SOS1: variants seen among roughly 807,000 people sequenced by gnomAD.
SOS1 encodes the protein son of sevenless homolog 1.
In SOS1, 25 loss-of-function variants were observed where a neutral mutation model predicts 157.6. The observed-to-expected ratio is 0.16, with a 90% CI of 0.12 to 0.22. SOS1 has a LOEUF of 0.22. Ranked by LOEUF, SOS1 falls within the 10% of genes least tolerant of loss-of-function variation. The pLI, the probability that SOS1 is intolerant of heterozygous loss-of-function variation, is 1.00. For synonymous variants in SOS1, 528 were observed against 534.0 expected, an observed-to-expected ratio of 0.99 and a Z score of 0.16; for missense variants, 1,237 against 1,599.1, an observed-to-expected ratio of 0.77 and a Z score of 3.86.
rs1039194296 is a variant in SOS1, at chr2:39,006,393, T to G, written c.2791+19A>C. ...GTTTTATCCAGAAATGCAATAAAAATTCAGAAAGAAATACTTACCAAAGAA... is the reference window on the plus strand; with the variant it reads ...GTTTTATCCAGAAATGCAATAAAAAGTCAGAAAGAAATACTTACCAAAGAA... On this transcript the variant is annotated intron_variant, in intron 17 of 22. Transcript: ENST00000402219. 8.8e-7 allele frequency: 1 copy of G among 1,140,546 alleles called. No homozygotes were observed. Among genetic ancestry groups the G allele is most frequent in the Middle Eastern group, 2.2e-4 (1 of 4,596 alleles). The allele number at this position is 1,140,546 out of a possible 1,614,324, so 70.7% of individuals were successfully genotyped here.
chr2:39,049,328 T>G (rs1670916811), intron 6 of SOS1, among the ~76,000 whole-genome samples: 1 of 151,920 alleles, frequency 6.6e-6, no homozygotes, highest in Non-Finnish European at 1.5e-5. Flanking sequence ...ATCCTTGAAC[T>G]GGGTCCAGCA....
At position 38,983,235 on chromosome 2, in the gene SOS1, C is replaced by T. The variant is rs566007786; in HGVS notation, c.*2589G>A. ...TTTATCTCCTCAGCCATTTCTGGTCCCTGATTAAATAGATTTTCATTACTA... is the reference window on the plus strand; with the variant it reads ...TTTATCTCCTCAGCCATTTCTGGTCTCTGATTAAATAGATTTTCATTACTA... On this transcript the variant is annotated 3_prime_UTR_variant, in exon 23 of 23. Coordinates refer to ENST00000402219, the MANE Select transcript of SOS1 (RefSeq NM_005633.4). 7 of 152,170 alleles carry T rather than the reference C, an allele frequency of 4.6e-5. No individual in the cohort carries two copies. The highest frequency in any genetic ancestry group is 2.1e-4 in the South Asian group (1 of 4,818). The allele number at this position is 152,170 out of a possible 1,614,324, so 9.4% of individuals were successfully genotyped here.
At chr2:39,006,691 C>T (rs1166920343) in intron 16 of SOS1, among the ~76,000 whole-genome samples, 162 bp from the exon 17 acceptor site, 1 of 152,100 alleles carries the variant, frequency 6.6e-6, no homozygotes, top group African/African-American at 2.4e-5. Flanking sequence ...CTTCATAGAC[C>T]TCAGTATAAA....
At chr2:39,124,118 G>A (rs1310996226), upstream of SOS1, 4 of 152,312 alleles carry the variant, frequency 2.6e-5, no homozygotes, top group Non-Finnish European at 5.9e-5. Flanking sequence ...GGTCAGCCCC[G>A]CTAAGGTCAA....
At chr2:39,110,848 C>T (rs948820562) in intron 1 of SOS1, among the ~76,000 whole-genome samples, 3 of 152,176 alleles carry the variant, frequency 2.0e-5, no homozygotes, top group Non-Finnish European at 4.4e-5. Context: ...CACCTATAAC[C>T]CCAGCACTTT....
At chr2:39,033,050 G>A (rs186341352) in intron 8 of SOS1, among the ~76,000 whole-genome samples, 64 of 151,846 alleles carry the variant, frequency 4.2e-4, no homozygotes, top group Non-Finnish European at 8.2e-4. Context: ...CATATCCAGG[G>A]CTGCTAGGAA....
At chr2:39,112,234 T>C (rs1177541531) in intron 1 of SOS1, among the ~76,000 whole-genome samples, 2 of 152,206 alleles carry the variant, frequency 1.3e-5, no homozygotes, top group African/African-American at 4.8e-5. Context: ...CCGGCTTACC[T>C]GAACAGATAA....
At chr2:39,074,494 G>A (rs1671897878) in intron 1 of SOS1, among the ~76,000 whole-genome samples, 1 of 152,096 alleles carries the variant, frequency 6.6e-6, no homozygotes, top group East Asian at 1.9e-4. Context: ...AACCCGAGAG[G>A]CAGAGCAAAA....
At chr2:39,029,818 A>T (rs1424786510) in intron 8 of SOS1, among the ~76,000 whole-genome samples, 1 of 152,160 alleles carries the variant, frequency 6.6e-6, no homozygotes, top group African/African-American at 2.4e-5. Context: ...GTTTCTAGAT[A>T]AGAATTTCTG....
chr2:39,045,057 A>G (rs539779025), intron 6 of SOS1, among the ~76,000 whole-genome samples: 39 of 152,246 alleles, frequency 2.6e-4, no homozygotes, highest in Non-Finnish European at 2.8e-4. Flanking sequence ...GTTATACTTT[A>G]TTGTTTAGGG....
intron 1 of SOS1, among the ~76,000 whole-genome samples, chr2:39,068,051 A>C (rs1401331223): frequency 6.6e-6 from 1 of 152,142 alleles, no homozygotes; most frequent in African/African-American, 2.4e-5. Context: ...CCCAGGAGGC[A>C]GAGGCTGCAG....
chr2:39,062,439 A>AT (rs1395969959), intron 2 of SOS1, among the ~76,000 whole-genome samples: 2 of 149,940 alleles, frequency 1.3e-5, no homozygotes, highest in South Asian at 2.1e-4. Context: ...AAAAATTAAA[A>AT]AAAAAAAGAA....
intron 17 of SOS1, among the ~76,000 whole-genome samples, chr2:38,999,374 G>A (rs1669015083): frequency 1.3e-5 from 2 of 152,100 alleles, no homozygotes; most frequent in South Asian, 4.1e-4. Context: ...TGTGGTAGAG[G>A]CATACACCAC....
chr2:39,032,120 A>G (rs2124556252), intron 8 of SOS1, among the ~76,000 whole-genome samples: 1 of 152,354 alleles, frequency 6.6e-6, no homozygotes, highest in East Asian at 1.9e-4. Flanking sequence ...ATGTGCATTA[A>G]CACATACTTT....
At chr2:39,019,115 C>T (rs369822888) in intron 10 of SOS1, among the ~76,000 whole-genome samples, 4 of 151,848 alleles carry the variant, frequency 2.6e-5, no homozygotes, top group African/African-American at 9.6e-5. Flanking sequence ...AAACGATCTT[C>T]TGGCTTAAGT....
At chr2:39,058,844 TTAAA>T in intron 2 of SOS1, 40 bp from the exon 3 acceptor site, 1 of 1,517,870 alleles carries the variant, frequency 6.6e-7, no homozygotes, top group East Asian at 2.3e-5. Flanking sequence ...AAAAAATATA[TTAAA>T]TAGTGCTCTT....
chr2:39,086,662 A>T (rs577296509), intron 1 of SOS1, among the ~76,000 whole-genome samples: 66 of 152,342 alleles, frequency 4.3e-4, no homozygotes, highest in Non-Finnish European at 8.4e-4. Context: ...AAATTAGTGT[A>T]AAACAGGAAC....
At position 39,058,697 on chromosome 2, in the gene SOS1, T is replaced by C. The variant is rs778451075; in HGVS notation, c.321A>G (p.Val107=). The change falls in exon 3 of 23, where the codon GTA becomes GTG. Residue 107 remains valine (V), a synonymous_variant. Transcript: ENST00000402219. ...RKRRNPLSLP[V]EKIHPLLKEV... ...CCTTTAATAAAGGATGAATTTTTTC[T>C]ACTGGGAGAGATAAAGGGTTTCTTC... 4 of 1,612,998 alleles carry C rather than the reference T, an allele frequency of 2.5e-6. No homozygotes were observed. Among genetic ancestry groups the C allele is most frequent in the Non-Finnish European group, 3.4e-6 (4 of 1,179,226 alleles).
intron 5 of SOS1, among the ~76,000 whole-genome samples, chr2:39,052,587 A>G (rs1404738611): frequency 6.6e-6 from 1 of 152,116 alleles, no homozygotes; most frequent in Non-Finnish European, 1.5e-5. Context: ...TTTTTTGCTT[A>G]TATTTCTGAG....
Sources: allele counts gnomAD v4.1 joint callset (sites outside exome capture counted in the v4.1 genomes callset), GRCh38; gene constraint gnomAD v4.1.1; transcripts MANE v1.5; gene names NCBI Gene and HGNC (gene_info 2026-07-23, HGNC 2026-07-21).